The following MRM1 variants were observed in gnomAD, a reference collection of about 807,000 sequenced individuals.
MRM1 encodes the protein mitochondrial rRNA methyltransferase 1.
A neutral mutation model predicts 25.0 loss-of-function variants in MRM1; 24 were observed. The observed-to-expected ratio is 0.96, with a 90% CI of 0.69 to 1.35. The LOEUF is 1.35. Among genes scored for constraint, MRM1 ranks in the 40% most tolerant of loss-of-function variants. MRM1 has a pLI of 0.00. For missense variants in MRM1, 431 were observed against 464.1 expected (o/e 0.93, Z 0.65); for synonymous variants, 188 against 199.2 (o/e 0.94, Z 0.47).
chr17:36,603,394 A>C (rs2074899771), intron 2 of MRM1: 1 of 171,804 alleles, frequency 5.8e-6, no homozygotes, highest in Non-Finnish European at 1.2e-5. Flanking sequence ...TAATCATTTT[A>C]ATTATTATTA....
Position 36,602,037 on chromosome 17 carries a change from C to T in MRM1, c.227C>T (p.Ala76Val), listed in dbSNP as rs138056291. The T allele has an allele frequency of 1.2e-6, 2 of 1,610,040 alleles. No homozygotes were observed. The highest frequency in any genetic ancestry group is 2.2e-5 in the East Asian group (1 of 44,806). Residue 76 changes from alanine (A) to valine (V), a missense_variant, in exon 1 of 5, where the codon GCG (alanine) becomes GTG (valine). Coordinates refer to ENST00000614766, the MANE Select transcript of MRM1 (RefSeq NM_024864.5). The surrounding 1 kb of genome is among the most constrained non-coding windows in gnomAD (Gnocchi z 4.1). ...RRSVARLLLQ[A>V]GKAGLQGKRA... ...TCTGTGGCCCGGCTCCTGCTCCAGG[C>T]GGGTAAAGCTGGGCTGCAGGGGAAG...
At chr17:36,620,474 T>C in the MRM1 span, among the ~76,000 whole-genome samples, 1 of 152,118 alleles carries the variant, frequency 6.6e-6, no homozygotes, top group African/African-American at 2.4e-5. Context: ...ACAGGACCAG[T>C]AGGAGGCCCA....
the MRM1 span, among the ~76,000 whole-genome samples, chr17:36,618,288 T>A: frequency 6.6e-6 from 1 of 152,064 alleles, no homozygotes; most frequent in Non-Finnish European, 1.5e-5. Flanking sequence ...CATCAAGTAT[T>A]TATTGAGCAC....
chr17:36,628,149 G>T, the MRM1 span, among the ~76,000 whole-genome samples: 3 of 152,316 alleles, frequency 2.0e-5, no homozygotes, highest in African/African-American at 7.2e-5. Flanking sequence ...TACTGAGAGA[G>T]AAAATGTGTA....
In MRM1 at chr17:36,601,819, G is replaced by A. The variant is rs1159042992; in HGVS notation, c.9G>A (p.Leu3=). MA[L]LSTVRGATWG... Reference sequence around the variant, plus strand: ...CTGGCGGGAGCTGCGCCATGGCATTGCTCTCGACCGTCCGGGGCGCGACCT... The same window carrying A: ...CTGGCGGGAGCTGCGCCATGGCATTACTCTCGACCGTCCGGGGCGCGACCT... The change falls in exon 1 of 5, where the codon TTG becomes TTA. Residue 3 remains leucine, a synonymous_variant. Transcript: ENST00000614766. The A allele has an allele frequency of 9.6e-6, 15 of 1,565,054 alleles. No homozygotes were observed. The highest frequency in any genetic ancestry group is 2.3e-5 in the East Asian group (1 of 44,376).
downstream of MRM1, among the ~76,000 whole-genome samples, chr17:36,613,290 C>T (rs1389234235): frequency 2.0e-5 from 3 of 152,148 alleles, no homozygotes; most frequent in African/African-American, 4.8e-5. Context: ...CTACCACCAC[C>T]GACTCCTGCA....
At chr17:36,622,441 G>A in the MRM1 span, among the ~76,000 whole-genome samples, 2 of 152,006 alleles carry the variant, frequency 1.3e-5, no homozygotes, top group Non-Finnish European at 2.9e-5. Flanking sequence ...GCATGGTGGT[G>A]CGCACCTGTA....
the MRM1 span, among the ~76,000 whole-genome samples, chr17:36,620,684 T>G: frequency 6.7e-4 from 102 of 152,280 alleles, no homozygotes; most frequent in African/African-American, 2.2e-3. Context: ...AGGAGGGAGC[T>G]CAAAGGTTCA....
the MRM1 span, among the ~76,000 whole-genome samples, chr17:36,623,589 G>T: frequency 2.0e-5 from 3 of 152,204 alleles, no homozygotes; most frequent in Non-Finnish European, 4.4e-5. Flanking sequence ...GACCCATTCA[G>T]TTCATCCCTC....
the MRM1 span, among the ~76,000 whole-genome samples, chr17:36,617,029 G>A: frequency 6.6e-6 from 1 of 151,748 alleles, no homozygotes; most frequent in Non-Finnish European, 1.5e-5. Context: ...CAGGCTTTCC[G>A]AGCTACCTTG....
chr17:36,628,901 C>T, the MRM1 span, among the ~76,000 whole-genome samples: 2 of 151,960 alleles, frequency 1.3e-5, no homozygotes, highest in East Asian at 3.9e-4. Flanking sequence ...CTTTTGACTC[C>T]ATCAGGCTGA....
In MRM1 at chr17:36,602,998, T is replaced by C; in HGVS notation, c.636+352T>C. On this transcript the variant is annotated intron_variant, in intron 2 of 4. Transcript: ENST00000614766. The surrounding 1 kb of genome is among the most constrained non-coding windows in gnomAD (Gnocchi z 4.1). Reference sequence around the variant, plus strand: ...GTACAGGAGACCTGAGTTCCTCGAATAGGGCACAGCTTGAAAGGATGTTTG... The same window carrying C: ...GTACAGGAGACCTGAGTTCCTCGAACAGGGCACAGCTTGAAAGGATGTTTG... The C allele has an allele frequency of 7.1e-6, 7 of 985,372 alleles. No individual in the cohort carries two copies. The highest frequency in any genetic ancestry group is 8.4e-6 in the Non-Finnish European group (7 of 829,930). The allele number at this position is 985,372 out of a possible 1,614,324, so 61.0% of individuals were successfully genotyped here.
the MRM1 span, among the ~76,000 whole-genome samples, chr17:36,618,615 C>T: frequency 2.0e-5 from 3 of 152,086 alleles, no homozygotes; most frequent in African/African-American, 4.8e-5. Context: ...ATGGGACAGA[C>T]GGAGAGGTCA....
the MRM1 span, among the ~76,000 whole-genome samples, chr17:36,614,088 A>G: frequency 2.0e-5 from 3 of 151,870 alleles, no homozygotes; most frequent in Non-Finnish European, 4.4e-5. Context: ...TGACGATGAC[A>G]ATGATGACGA....
the MRM1 span, among the ~76,000 whole-genome samples, chr17:36,614,551 C>A: frequency 6.6e-6 from 1 of 152,158 alleles, no homozygotes; most frequent in Non-Finnish European, 1.5e-5. Flanking sequence ...TTTAATCCCC[C>A]ATCTCCTGGG....
the MRM1 span, among the ~76,000 whole-genome samples, chr17:36,632,486 C>A: frequency 2.0e-5 from 3 of 152,272 alleles, no homozygotes; most frequent in Non-Finnish European, 4.4e-5. Context: ...GTAAGAGGAC[C>A]TAGCCTGTGG....
chr17:36,634,007 G>T, the MRM1 span: 1 of 150,444 alleles, frequency 6.6e-6, no homozygotes, highest in East Asian at 2.0e-4. Flanking sequence ...TCAGCCCCCA[G>T]TTACTTAGAT....
chr17:36,622,446 C>A, the MRM1 span, among the ~76,000 whole-genome samples: 48 of 152,028 alleles, frequency 3.2e-4, no homozygotes, highest in Admixed American at 1.5e-3. Flanking sequence ...GTGGTGCGCA[C>A]CTGTAATCCC....
chr17:36,608,782 T>G lies in MRM1; in HGVS notation c.*367T>G, dbSNP rs2074954811. On this transcript the variant is annotated 3_prime_UTR_variant, in exon 5 of 5. Coordinates refer to ENST00000614766, the MANE Select transcript of MRM1 (RefSeq NM_024864.5). The stretch of plus-strand genomic sequence containing the variant: ...TGAACCAGTCATTGCCTGTGGCAAA[T>G]GTGTGTATGAGAATGTGGGGGGTGG... The G allele has an allele frequency of 2.0e-5, 4 of 196,002 alleles. No homozygotes were observed. Among genetic ancestry groups the G allele is most frequent in the Non-Finnish European group, 3.1e-5 (3 of 97,518 alleles). The allele number at this position is 196,002 out of a possible 1,614,324, so 12.1% of individuals were successfully genotyped here.
Sources: gnomAD v4.1 joint callset for allele counts (sites outside exome capture counted in the v4.1 genomes callset) on GRCh38, gnomAD v4.1.1 for gene constraint, Gnocchi (gnomAD v3.1) non-coding constraint, MANE v1.5 for transcripts, NCBI Gene and HGNC (gene_info 2026-07-23, HGNC 2026-07-21) for gene names.